Variants in TRPM3 observed in about 807,000 individuals in gnomAD.
TRPM3 encodes the protein transient receptor potential cation channel subfamily M member 3.
TRPM3 carries 77 observed loss-of-function variants against 181.2 expected under a neutral mutation model. That is an observed-to-expected ratio of 0.42 (90% CI 0.35 to 0.51). TRPM3 has a LOEUF of 0.51. TRPM3 is among the 20% of genes least tolerant of loss of function. The probability of loss-of-function intolerance (pLI) is 0.01; values close to 1 mark genes in which losing one functional copy is unlikely to be tolerated. For synonymous variants in TRPM3, 745 were observed against 796.4 expected, an observed-to-expected ratio of 0.94 and a Z score of 1.09; for missense variants, 1,759 against 2,196.7, an observed-to-expected ratio of 0.80 and a Z score of 3.98.
At chr9:71,370,536 G>A (rs927305504) in intron 1 of TRPM3, among the ~76,000 whole-genome samples, 4 of 152,090 alleles carry the variant, frequency 2.6e-5, no homozygotes, top group African/African-American at 7.2e-5. Flanking sequence ...TCTAGAACAC[G>A]GCCCTAACTC....
chr9:70,677,451 G>C (rs2064276999), intron 9 of TRPM3, among the ~76,000 whole-genome samples: 1 of 152,192 alleles, frequency 6.6e-6, no homozygotes, highest in African/African-American at 2.4e-5. Context: ...GCTCATCCTT[G>C]AATTCTTTCC....
At chr9:71,096,624 T>TCTCTCTCTCTCTCC (rs1397956274) in intron 1 of TRPM3, among the ~76,000 whole-genome samples, 6 of 142,318 alleles carry the variant, frequency 4.2e-5, no homozygotes, top group African/African-American at 1.6e-4. Context: ...TCTCTCTCTC[T>TCTCTCTCTCTCTCC]CCCCCTCTCC....
chr9:71,190,376 T>A (rs2077942422), intron 1 of TRPM3, among the ~76,000 whole-genome samples: 2 of 151,942 alleles, frequency 1.3e-5, no homozygotes, highest in Non-Finnish European at 2.9e-5. Flanking sequence ...ATACTAGCCT[T>A]TTTTATATCA....
At chr9:70,613,259 G>A (rs931146891) in intron 18 of TRPM3, among the ~76,000 whole-genome samples, 2 of 152,082 alleles carry the variant, frequency 1.3e-5, no homozygotes, top group African/African-American at 4.8e-5. Flanking sequence ...GAATCTAACA[G>A]GGTCAAATAT....
At chr9:70,655,093 G>A (rs1292352108) in intron 9 of TRPM3, among the ~76,000 whole-genome samples, 2 of 150,448 alleles carry the variant, frequency 1.3e-5, no homozygotes, top group Admixed American at 6.6e-5. Context: ...AGATCACAAG[G>A]TCAGGAGTTC....
intron 1 of TRPM3, among the ~76,000 whole-genome samples, chr9:71,376,570 A>G (rs1445968395): frequency 6.6e-6 from 1 of 152,058 alleles, no homozygotes; most frequent in East Asian, 1.9e-4. Flanking sequence ...GAATAGGTAA[A>G]TGAGTATAAA....
At chr9:70,866,572 G>C (rs1026628927) in intron 1 of TRPM3, among the ~76,000 whole-genome samples, 1 of 152,072 alleles carries the variant, frequency 6.6e-6, no homozygotes, top group South Asian at 2.1e-4. Context: ...AGAGAGACCT[G>C]TCCAGGGTTG....
intron 1 of TRPM3, among the ~76,000 whole-genome samples, chr9:71,026,298 C>T (rs2056479301): frequency 6.6e-6 from 1 of 152,178 alleles, no homozygotes; most frequent in African/African-American, 2.4e-5. Context: ...TGGCCTCTCC[C>T]AGGGCCCCAG....
intron 22 of TRPM3, among the ~76,000 whole-genome samples, chr9:70,574,497 G>C (rs183561600): frequency 4.6e-5 from 7 of 152,174 alleles, no homozygotes; most frequent in Admixed American, 1.3e-4. Context: ...TCCCAAATAT[G>C]TCTCCTTGTT....
intron 1 of TRPM3, among the ~76,000 whole-genome samples, chr9:70,965,958 C>T (rs1414716908): frequency 6.6e-6 from 1 of 150,774 alleles, no homozygotes; most frequent in African/African-American, 2.4e-5. Context: ...ACAGACGCTA[C>T]AGAATGGGAG....
intron 22 of TRPM3, among the ~76,000 whole-genome samples, chr9:70,570,639 G>A (rs1282902780): frequency 6.6e-6 from 1 of 152,124 alleles, no homozygotes; most frequent in South Asian, 2.1e-4. Flanking sequence ...TAAATCTGCT[G>A]GTGAGCAATA....
chr9:71,443,227 G>A (rs1421860938), intron 1 of TRPM3, among the ~76,000 whole-genome samples: 2 of 151,940 alleles, frequency 1.3e-5, no homozygotes, highest in African/African-American at 4.8e-5. Context: ...ATTTAATATT[G>A]TAGATTAATG....
chr9:70,997,439 C>G (rs1302392833), intron 1 of TRPM3, among the ~76,000 whole-genome samples: 1 of 152,198 alleles, frequency 6.6e-6, no homozygotes, highest in Non-Finnish European at 1.5e-5. Flanking sequence ...TCGTGATCTG[C>G]CTGCCTCGCC....
intron 1 of TRPM3, among the ~76,000 whole-genome samples, chr9:70,919,372 A>G (rs1781974063): frequency 6.6e-6 from 1 of 152,110 alleles, no homozygotes; most frequent in Non-Finnish European, 1.5e-5. Flanking sequence ...CATTAGGAAT[A>G]CTCTGCCCCA....
chr9:71,224,968 T>C (rs902637491), intron 1 of TRPM3, among the ~76,000 whole-genome samples: 1 of 151,826 alleles, frequency 6.6e-6, no homozygotes, highest in Non-Finnish European at 1.5e-5. Flanking sequence ...ATCTAGAAAA[T>C]AGCCTCAAAA....
chr9:70,629,082 CA>C (rs2065210195), intron 12 of TRPM3, among the ~76,000 whole-genome samples: 1 of 151,562 alleles, frequency 6.6e-6, no homozygotes, highest in African/African-American at 2.4e-5. Context: ...TGGCTATATC[CA>C]TAAAGGACTT....
intron 1 of TRPM3, among the ~76,000 whole-genome samples, chr9:71,095,797 AAG>A (rs1238159845): frequency 6.6e-6 from 1 of 151,616 alleles, no homozygotes; most frequent in Non-Finnish European, 1.5e-5. Flanking sequence ...GAAAAGAAAA[AAG>A]AGAGAAAGAG....
chr9:70,553,927 G>A (rs11142485), intron 22 of TRPM3, among the ~76,000 whole-genome samples: 1 of 152,150 alleles, frequency 6.6e-6, no homozygotes, highest in African/African-American at 2.4e-5. Flanking sequence ...GATTTCATTA[G>A]GAGGGCAATG....
chr9:71,157,250 C>A (rs2076053243), intron 1 of TRPM3, among the ~76,000 whole-genome samples: 1 of 152,092 alleles, frequency 6.6e-6, no homozygotes, highest in African/African-American at 2.4e-5. Flanking sequence ...TGTTACAGTT[C>A]TGAAGGCAAA....
Sources: gnomAD v4.1 joint callset for allele counts (sites outside exome capture counted in the v4.1 genomes callset) on GRCh38, gnomAD v4.1.1 for gene constraint, MANE v1.5 for transcripts, NCBI Gene and HGNC (gene_info 2026-07-23, HGNC 2026-07-21) for gene names.